Variants in RERE observed in about 807,000 individuals in gnomAD.
The protein encoded by RERE is arginine-glutamic acid dipeptide repeats, also known as arginine-glutamic acid dipeptide repeats protein.
RERE carries 40 observed loss-of-function variants against 146.1 expected under a neutral mutation model. The observed-to-expected ratio is 0.27, with a 90% CI of 0.21 to 0.36. The LOEUF (loss-of-function observed/expected upper bound fraction) is 0.36. Ranked by LOEUF, RERE falls within the 10% of genes least tolerant of loss-of-function variation. The pLI is 1.00. For missense variants in RERE, 1,933 were observed against 2,138.7 expected (o/e 0.90, Z 1.90); for synonymous variants, 1,003 against 866.0 (o/e 1.16, Z -2.78).
In RERE at chr1:8,539,513, C is replaced by A. The variant is rs546395789; in HGVS notation, c.830+1701G>T. ...CTCCGCCTCCCGGGTTAAAGCAATT[C>A]TCCTGCCTCAGCCTCCAGAGAAGCT... is the stretch of plus-strand genomic sequence containing the variant. On this transcript the variant is annotated intron_variant, in intron 7 of 22. Coordinates refer to ENST00000400908, the MANE Select transcript of RERE (RefSeq NM_001042681.2). 5.9e-5 allele frequency among the ~76,000 whole-genome samples: 9 copies of A among 152,216 alleles called. No individual in the cohort carries two copies. The South Asian group carries it at 1.9e-3, about 32-fold the overall frequency.
At chr1:8,554,677 TCAA>T (rs1645982810) in intron 6 of RERE, among the ~76,000 whole-genome samples, 1 of 21,920 alleles carries the variant, frequency 4.6e-5, no homozygotes, top group African/African-American at 1.7e-4. Flanking sequence ...AGATCCTGTC[TCAA>T]AAAAAAAAAA....
rs140049163 is a variant in RERE, at chr1:8,448,573, A to C, written c.1203+17352T>G. ...GGAGTTGGAGACCAGCCTGGCCAAC[A>C]TGGTGAAACTCCATCTCTACTAAAA... On this transcript the variant is annotated intron_variant, in intron 11 of 22. Transcript: ENST00000400908. Among the ~76,000 whole-genome samples, 252 of 152,320 alleles carry C rather than the reference A, an allele frequency of 1.7e-3. 2 individuals are homozygous for C. The East Asian group carries it at 0.041, about 25-fold the overall frequency.
Position 8,361,852 on chromosome 1 carries a change from G to A in RERE, c.1927C>T (p.Pro643Ser). 1 of 1,613,676 alleles carries A rather than the reference G, an allele frequency of 6.2e-7. No individual in the cohort carries two copies. The highest frequency in any genetic ancestry group is 8.5e-7 in the Non-Finnish European group (1 of 1,179,618). Residue 643 changes from proline (P) to serine (S), a missense_variant, in exon 17 of 23, where the codon CCT (proline) becomes TCT (serine). By Grantham distance (74) the Pro-to-Ser change is moderately conservative. Around this residue, in one of 11 missense-constraint regions of RERE, gnomAD observed 1,255 missense variants for 1,153.8 expected, o/e 1.09. Coordinates refer to ENST00000400908, the MANE Select transcript of RERE (RefSeq NM_001042681.2). ...CGCTGGCGTTTGTTACTCTTAAGAG[G>A]GGAAGAGGCTTCCTCCTTCACCTTC... ...AKKVKEEASS[P>S]LKSNKRQREK...
In RERE at chr1:8,544,261, G is replaced by A. The variant is rs116333840; in HGVS notation, c.726-2943C>T. Among the ~76,000 whole-genome samples the A allele has an allele frequency of 8.1e-3, 1,234 of 152,206 alleles. 4 individuals carry two copies. The highest frequency in any genetic ancestry group is 0.013 in the Non-Finnish European group (912 of 67,986). ...GTATTAAATTTTTAAAAAACAAAAA[G>A]AATTTGGTTAACTACATCTAAGTTT... On this transcript the variant is annotated intron_variant, in intron 6 of 22. Transcript: ENST00000400908.
chr1:8,364,352 T>A lies in RERE; in HGVS notation c.1541-97A>T. 1 of 1,058,724 alleles carries A rather than the reference T, an allele frequency of 9.4e-7. No individual in the cohort carries two copies. 65.6% of individuals were successfully genotyped at this position (1,058,724 alleles called of 1,614,324 possible). ...CCCTTCTGTGGGCTCTACCCAAACCTGATGCCACCAGCACCATGCAGCCCT... is the reference window on the plus strand; with the variant it reads ...CCCTTCTGTGGGCTCTACCCAAACCAGATGCCACCAGCACCATGCAGCCCT... On this transcript the variant is annotated intron_variant, in intron 14 of 22. Coordinates refer to ENST00000400908, the MANE Select transcript of RERE (RefSeq NM_001042681.2). The surrounding 1 kb of genome is among the most constrained non-coding windows in gnomAD (Gnocchi z 5.1).
intron 4 of RERE, among the ~76,000 whole-genome samples, chr1:8,584,472 AG>A (rs1646403652): frequency 6.6e-6 from 1 of 152,148 alleles, no homozygotes; most frequent in Admixed American, 6.5e-5. Flanking sequence ...ACATAAGCAC[AG>A]GAATTTGAGG....
Position 8,656,277 on chromosome 1 carries a change from T to C in RERE, c.21A>G (p.Lys7=). 1 of 1,613,614 alleles carries C rather than the reference T, an allele frequency of 6.2e-7. No individual in the cohort carries two copies. The highest frequency in any genetic ancestry group is 8.5e-7 in the Non-Finnish European group (1 of 1,179,768). Residue 7 remains lysine, a synonymous_variant, in exon 2 of 23, where the codon AAA becomes AAG. Coordinates refer to ENST00000400908, the MANE Select transcript of RERE (RefSeq NM_001042681.2). MTADKD[K]DKDKEKDRDR... The stretch of plus-strand genomic sequence containing the variant: ...CCCGGTCCTTCTCTTTGTCTTTGTC[T>C]TTGTCTTTGTCCGCTGTCATGATTC...
chr1:8,392,647 AG>A (rs1482490791), intron 12 of RERE, among the ~76,000 whole-genome samples: 1 of 152,128 alleles, frequency 6.6e-6, no homozygotes, highest in African/African-American at 2.4e-5. Flanking sequence ...AACTCACACT[AG>A]CAGTAGAGTC....
rs139665469 is a variant in RERE, at chr1:8,390,447, A to C, written c.1285-24473T>G. ...AGGGTAGGCTCTTCCCCTGCCCACT[A>C]ATCTATGTCCCATAGTCCGAACTGT... On this transcript the variant is annotated intron_variant, in intron 12 of 22. Coordinates refer to ENST00000400908, the MANE Select transcript of RERE (RefSeq NM_001042681.2). Among the ~76,000 whole-genome samples, 9 of 152,232 alleles carry C rather than the reference A, an allele frequency of 5.9e-5. No individual in the cohort carries two copies. In the East Asian group the frequency reaches 1.7e-3, roughly 29 times the overall value.
Position 8,361,255 on chromosome 1 carries a change from G to C in RERE, c.2252C>G (p.Pro751Arg). Residue 751 changes from proline to arginine, a missense_variant, in exon 18 of 23, where the codon CCC (proline) becomes CGC (arginine). Transcript: ENST00000400908. The part of the protein sequence containing the change: ...LQAPTGVTPA[P>R]SSAPPGTPQL... ...AGGGGTCCCTGGAGGAGCTGAGGAGGGAGCTGGGGTGACCCCAGTGGGAGC... is the reference window on the plus strand; with the variant it reads ...AGGGGTCCCTGGAGGAGCTGAGGAGCGAGCTGGGGTGACCCCAGTGGGAGC... 6.4e-7 allele frequency: 1 copy of C among 1,570,404 alleles called. No homozygotes were observed. Among genetic ancestry groups the C allele is most frequent in the South Asian group, 1.2e-5 (1 of 84,104 alleles).
chr1:8,758,698 G>A (rs1381226416), intron 1 of RERE, among the ~76,000 whole-genome samples: 1 of 151,970 alleles, frequency 6.6e-6, no homozygotes, highest in Admixed American at 6.6e-5. Flanking sequence ...GTTACCAAAG[G>A]CTGAGAGGAG....
chr1:8,545,649 T>C (rs1027872884), intron 6 of RERE, among the ~76,000 whole-genome samples: 2 of 151,224 alleles, frequency 1.3e-5, no homozygotes, highest in Non-Finnish European at 2.9e-5. Flanking sequence ...AATAAAAAAT[T>C]ATTAATAATA....
At chr1:8,610,065 C>T (rs189262337) in intron 4 of RERE, among the ~76,000 whole-genome samples, 9 of 152,238 alleles carry the variant, frequency 5.9e-5, no homozygotes, top group Middle Eastern at 3.4e-3. Context: ...CCATCATGCC[C>T]GGGCTGATTT....
At chr1:8,800,530 T>C (rs1192204041) in intron 1 of RERE, among the ~76,000 whole-genome samples, 1 of 151,292 alleles carries the variant, frequency 6.6e-6, no homozygotes, top group Non-Finnish European at 1.5e-5. Context: ...CAAATGATAC[T>C]GTAGGAGCCA....
intron 1 of RERE, among the ~76,000 whole-genome samples, chr1:8,688,372 G>A (rs542976206): frequency 6.6e-6 from 1 of 151,976 alleles, no homozygotes; most frequent in Non-Finnish European, 1.5e-5. Flanking sequence ...GACCAGCCTG[G>A]GTAACATGGT....
At position 8,546,884 on chromosome 1, in the gene RERE, T is replaced by G. The variant is rs568456922; in HGVS notation, c.726-5566A>C. Among the ~76,000 whole-genome samples, 135 of 150,826 alleles carry G rather than the reference T, an allele frequency of 9.0e-4. 3 individuals are homozygous for G. In the South Asian group the frequency reaches 0.027, roughly 30 times the overall value. On this transcript the variant is annotated intron_variant, in intron 6 of 22. Coordinates refer to ENST00000400908, the MANE Select transcript of RERE (RefSeq NM_001042681.2). ...AAAAAAACAAAAAAAATTAAGATTA[T>G]TAGCTTAGGGGGAAAAAGTCCAAAA... is the stretch of plus-strand genomic sequence containing the variant.
chr1:8,631,696 TG>T (rs1647037353), intron 2 of RERE, among the ~76,000 whole-genome samples: 4 of 152,194 alleles, frequency 2.6e-5, no homozygotes, highest in Admixed American at 6.5e-5. Context: ...TCAGCTGTGT[TG>T]GTTGAGTCCC....
chr1:8,567,824 A>AT (rs776079926), intron 4 of RERE, among the ~76,000 whole-genome samples: 15 of 152,226 alleles, frequency 9.9e-5, no homozygotes, highest in Non-Finnish European at 2.2e-4. Flanking sequence ...TGTCCTTAAT[A>AT]TCACACACAC....
chr1:8,626,473 T>G (rs564042918), intron 2 of RERE, among the ~76,000 whole-genome samples: 2 of 152,298 alleles, frequency 1.3e-5, no homozygotes, highest in African/African-American at 4.8e-5. Context: ...AAGTTCCCCT[T>G]GATCAAAAAC....
Sources: allele counts gnomAD v4.1 joint callset (sites outside exome capture counted in the v4.1 genomes callset), GRCh38; gene constraint gnomAD v4.1.1; regional missense constraint gnomAD v4.1.1; non-coding constraint Gnocchi (gnomAD v3.1); transcripts MANE v1.5; gene names NCBI Gene and HGNC (gene_info 2026-07-23, HGNC 2026-07-21).